FOXN3: variants seen among roughly 807,000 people sequenced by gnomAD.
The protein encoded by FOXN3 is forkhead box protein N3.
FOXN3 carries 7 observed loss-of-function variants against 38.4 expected under a neutral mutation model. That is an observed-to-expected ratio of 0.18 (90% CI 0.10 to 0.34). FOXN3 has a LOEUF of 0.34. Among genes scored for constraint, FOXN3 ranks in the 10% least tolerant of loss-of-function variants. The pLI is 1.00. For missense variants in FOXN3, 456 were observed against 613.4 expected, an observed-to-expected ratio of 0.74 and a Z score of 2.71; for synonymous variants, 230 against 242.2, an observed-to-expected ratio of 0.95 and a Z score of 0.47.
At chr14:89,181,121 G>C (rs12885568) in intron 4 of FOXN3, among the ~76,000 whole-genome samples, 134 of 152,050 alleles carry the variant, frequency 8.8e-4, no homozygotes, top group Non-Finnish European at 1.5e-3. Context: ...AAGATACCCA[G>C]AGAGTAAGAC....
chr14:89,467,957 C>G (rs1249852003), intron 1 of FOXN3, among the ~76,000 whole-genome samples: 6 of 151,508 alleles, frequency 4.0e-5, no homozygotes, highest in Non-Finnish European at 8.8e-5. Context: ...GCATTTTCCT[C>G]CTGCCCTGAG....
At chr14:89,470,077 G>T (rs1893061126) in intron 1 of FOXN3, among the ~76,000 whole-genome samples, 1 of 152,054 alleles carries the variant, frequency 6.6e-6, no homozygotes, top group Non-Finnish European at 1.5e-5. Flanking sequence ...GTTTCATCTT[G>T]ATTGGGCAAA....
At chr14:89,399,178 C>T (rs1439304401) in intron 2 of FOXN3, among the ~76,000 whole-genome samples, 1 of 152,188 alleles carries the variant, frequency 6.6e-6, no homozygotes, top group African/African-American at 2.4e-5. Flanking sequence ...AGGAAAAGGA[C>T]AAGTCCTAGT....
intron 3 of FOXN3, among the ~76,000 whole-genome samples, chr14:89,294,326 G>A (rs1886971095): frequency 6.6e-6 from 1 of 152,154 alleles, no homozygotes. Context: ...AGGGGTGGGG[G>A]AATGGTATCA....
At chr14:89,305,127 G>A (rs983353682) in intron 3 of FOXN3, among the ~76,000 whole-genome samples, 67 of 152,100 alleles carry the variant, frequency 4.4e-4, no homozygotes, top group Non-Finnish European at 7.5e-4. Flanking sequence ...GGAAGGCCTG[G>A]CCAGCACCAG....
intron 4 of FOXN3, among the ~76,000 whole-genome samples, chr14:89,190,093 G>C (rs538968928): frequency 6.6e-6 from 1 of 152,192 alleles, no homozygotes. Flanking sequence ...AGCAAGGAAG[G>C]CCTCTTCACT....
At chr14:89,485,835 T>C (rs905627934) in intron 1 of FOXN3, among the ~76,000 whole-genome samples, 2 of 152,138 alleles carry the variant, frequency 1.3e-5, no homozygotes, top group African/African-American at 4.8e-5. Context: ...CCTGGGCTCA[T>C]GGTGGGTTCA....
intron 1 of FOXN3, among the ~76,000 whole-genome samples, chr14:89,480,615 T>A (rs1365839942): frequency 6.6e-6 from 1 of 152,220 alleles, no homozygotes; most frequent in Non-Finnish European, 1.5e-5. Flanking sequence ...AAATGTCATT[T>A]CATATTCCAA....
intron 1 of FOXN3, among the ~76,000 whole-genome samples, chr14:89,566,730 G>A (rs2139887579): frequency 6.6e-6 from 1 of 152,030 alleles, no homozygotes; most frequent in East Asian, 1.9e-4. Context: ...TAGGACACCT[G>A]GGTGAAGCCT....
At chr14:89,420,562 T>A (rs1891876688), upstream of FOXN3, among the ~76,000 whole-genome samples, 1 of 152,210 alleles carries the variant, frequency 6.6e-6, no homozygotes, top group Non-Finnish European at 1.5e-5. Flanking sequence ...CACAAGGGGA[T>A]GATTTTGCTT....
In FOXN3 at chr14:89,218,268, C is replaced by T. The variant is rs141319275; in HGVS notation, c.746-37462G>A. On this transcript the variant is annotated intron_variant, in intron 4 of 5. Transcript: ENST00000557258. Reference sequence around the variant, plus strand: ...TTTCAACTAATTCAGTGACTATGATCGGACAAGTCAATGGAGCATTCCTTT... The same window carrying T: ...TTTCAACTAATTCAGTGACTATGATTGGACAAGTCAATGGAGCATTCCTTT... Among the ~76,000 whole-genome samples, 213 of 152,262 alleles carry T rather than the reference C, an allele frequency of 1.4e-3. 2 individuals carry two copies. Among genetic ancestry groups the T allele is most frequent in the African/African-American group, 4.8e-3 (201 of 41,538 alleles).
At chr14:89,190,545 AG>A in intron 4 of FOXN3, 1 of 960,418 alleles carries the variant, frequency 1.0e-6, no homozygotes, top group Admixed American at 2.4e-5. Flanking sequence ...AATGCAACAG[AG>A]AAAAAAAAAA....
At chr14:89,439,842 G>A (rs1469403126) in intron 1 of FOXN3, among the ~76,000 whole-genome samples, 4 of 151,792 alleles carry the variant, frequency 2.6e-5, no homozygotes, top group Non-Finnish European at 5.9e-5. Context: ...TTTTAGTAGA[G>A]ACGGGGTTTC....
intron 2 of FOXN3, among the ~76,000 whole-genome samples, chr14:89,378,740 C>T (rs887233532): frequency 6.7e-6 from 1 of 149,706 alleles, no homozygotes; most frequent in African/African-American, 2.5e-5. Context: ...GAGTCTCACG[C>T]TCTGCAGCCC....
At chr14:89,289,436 T>C (rs1462825690) in intron 3 of FOXN3, among the ~76,000 whole-genome samples, 3 of 152,260 alleles carry the variant, frequency 2.0e-5, no homozygotes, top group Middle Eastern at 3.4e-3. Context: ...ATGTTCAAAA[T>C]TGGAAAACAG....
chr14:89,547,224 GTTAT>G (rs142859577), intron 1 of FOXN3, among the ~76,000 whole-genome samples: 101,819 of 144,540 alleles, frequency 0.7, 38,016 homozygotes, highest in Middle Eastern at 0.83. Context: ...CAGACACTAG[GTTAT>G]TTATTTATTT....
chr14:89,176,130 C>T (rs997519439), intron 5 of FOXN3, among the ~76,000 whole-genome samples: 3 of 152,160 alleles, frequency 2.0e-5, no homozygotes, highest in Non-Finnish European at 4.4e-5. Context: ...AGGTTTCCAA[C>T]GTCTAAGGAT....
chr14:89,300,643 T>C (rs535393075), intron 3 of FOXN3, among the ~76,000 whole-genome samples: 1 of 152,280 alleles, frequency 6.6e-6, no homozygotes, highest in South Asian at 2.1e-4. Flanking sequence ...TCCCATCCCA[T>C]AGTCCACCAC....
intron 3 of FOXN3, among the ~76,000 whole-genome samples, chr14:89,323,910 A>G (rs1340231819): frequency 6.6e-6 from 1 of 152,102 alleles, no homozygotes; most frequent in Non-Finnish European, 1.5e-5. Context: ...GTCATTTACT[A>G]GCACTGTAAC....
Sources: allele counts gnomAD v4.1 joint callset (sites outside exome capture counted in the v4.1 genomes callset), GRCh38; gene constraint gnomAD v4.1.1; transcripts MANE v1.5; gene names NCBI Gene and HGNC (gene_info 2026-07-23, HGNC 2026-07-21).